C8orf34: variants seen among roughly 807,000 people sequenced by gnomAD.
C8orf34 encodes the protein uncharacterized protein C8orf34.
Under a neutral mutation model 68.3 loss-of-function variants are expected in C8orf34, and 65 were observed. That is an observed-to-expected ratio of 0.95 (90% CI 0.78 to 1.17). C8orf34 has a LOEUF of 1.17. Ranked by LOEUF, C8orf34 falls within the 50% of genes most tolerant of loss-of-function variation. The pLI, the probability that C8orf34 is intolerant of heterozygous loss-of-function variation, is 0.00. For missense variants in C8orf34, 664 were observed against 655.4 expected, an observed-to-expected ratio of 1.01 and a Z score of -0.14; for synonymous variants, 244 against 241.2, an observed-to-expected ratio of 1.01 and a Z score of -0.11.
intron 10 of C8orf34, among the ~76,000 whole-genome samples, chr8:68,757,399 G>T (rs1011402908): frequency 5.3e-5 from 8 of 152,132 alleles, no homozygotes; most frequent in Non-Finnish European, 1.0e-4. Flanking sequence ...GGAGGCTGAG[G>T]CGGGCGGATC....
chr8:68,345,824 A>T (rs929376610), intron 1 of C8orf34, among the ~76,000 whole-genome samples: 88 of 152,096 alleles, frequency 5.8e-4, no homozygotes, highest in African/African-American at 2.0e-3. Context: ...TCATCAAGTA[A>T]ATTTATACAT....
At chr8:68,367,912 G>GAAAAAAAAAAAAAAAAAAAAAAAACAA (rs1807366451) in intron 1 of C8orf34, among the ~76,000 whole-genome samples, 2 of 79,116 alleles carry the variant, frequency 2.5e-5, no homozygotes, top group Admixed American at 3.3e-4. Flanking sequence ...AAAAAGAAAA[G>GAAAAAAAAAAAAAAAAAAAAAAAACAA]AAAAAAAAAA....
At position 68,368,495 on chromosome 8, in the gene C8orf34, C is replaced by T. The variant is rs558919521; in HGVS notation, c.327+37156C>T. On this transcript the variant is annotated intron_variant, in intron 1 of 13. Transcript: ENST00000518698. ...TTATTTATGTTCCAGTCTTACTTTG[C>T]TAGTTAAGACCTTTAATATTATGCT... is the stretch of plus-strand genomic sequence containing the variant. Among the ~76,000 whole-genome samples, 11 of 152,142 alleles carry T rather than the reference C, an allele frequency of 7.2e-5. No individual in the cohort carries two copies. In the East Asian group the frequency reaches 1.2e-3, roughly 16 times the overall value.
chr8:68,771,014 T>A (rs1341905528), intron 10 of C8orf34, among the ~76,000 whole-genome samples: 6 of 152,320 alleles, frequency 3.9e-5, no homozygotes, highest in Non-Finnish European at 8.8e-5. Flanking sequence ...AGAAATGTGG[T>A]CTGCATTGAT....
At chr8:68,485,077 A>G (rs990738685) in intron 4 of C8orf34, among the ~76,000 whole-genome samples, 8 of 152,194 alleles carry the variant, frequency 5.3e-5, no homozygotes, top group African/African-American at 1.9e-4. Flanking sequence ...ACTGAAATAC[A>G]TCTTCAAAGC....
intron 10 of C8orf34, among the ~76,000 whole-genome samples, chr8:68,772,197 A>T (rs1823359818): frequency 6.6e-6 from 1 of 152,226 alleles, no homozygotes; most frequent in Non-Finnish European, 1.5e-5. Context: ...TTTCTCATGG[A>T]ATTTTTTAAA....
At chr8:68,577,210 G>A (rs766382636) in intron 7 of C8orf34, among the ~76,000 whole-genome samples, 26 of 151,914 alleles carry the variant, frequency 1.7e-4, no homozygotes, top group Non-Finnish European at 3.7e-4. Context: ...ACAGACTCTC[G>A]AGCCCCACCC....
At chr8:68,426,695 C>A (rs1235301520) in intron 1 of C8orf34, among the ~76,000 whole-genome samples, 1 of 151,424 alleles carries the variant, frequency 6.6e-6, no homozygotes, top group Non-Finnish European at 1.5e-5. Flanking sequence ...TGGTGAAACC[C>A]TATCTCTACT....
chr8:68,463,248 T>A (rs1811934672), intron 3 of C8orf34, among the ~76,000 whole-genome samples: 2 of 152,126 alleles, frequency 1.3e-5, no homozygotes, highest in South Asian at 2.1e-4. Flanking sequence ...CAGGAAGAAG[T>A]TGAATCTCTG....
At chr8:68,550,043 C>T (rs1816013064) in intron 7 of C8orf34, among the ~76,000 whole-genome samples, 2 of 151,720 alleles carry the variant, frequency 1.3e-5, no homozygotes, top group Non-Finnish European at 3.0e-5. Context: ...ATCACTTTGG[C>T]AAACTCTTTT....
In C8orf34 at chr8:68,454,814, C is replaced by A. The variant is rs1811482128; in HGVS notation, c.607+8354C>A. ...TTGGGTTTATTACGCTCTTCTTTTT[C>A]TACTTCCTTAAGGTGTAAAGTTAGA... On this transcript the variant is annotated intron_variant, in intron 3 of 13. Transcript: ENST00000518698. 3.9e-5 allele frequency among the ~76,000 whole-genome samples: 6 copies of A among 151,918 alleles called. No homozygotes were observed. The South Asian group carries it at 1.2e-3, about 32-fold the overall frequency.
intron 1 of C8orf34, among the ~76,000 whole-genome samples, chr8:68,417,085 T>C (rs527456438): frequency 2.4e-4 from 37 of 152,228 alleles, no homozygotes; most frequent in African/African-American, 8.4e-4. Flanking sequence ...TTAAAACTAT[T>C]GTGTAGAGTT....
intron 3 of C8orf34, among the ~76,000 whole-genome samples, chr8:68,467,090 AACATAAGGTTCTCTTCCTTTTT>A (rs1299299786): frequency 1.3e-5 from 2 of 151,878 alleles, no homozygotes; most frequent in Non-Finnish European, 2.9e-5. Context: ...TACACAATCA[AACATAAGGTTCTCTTCCTTTTT>A]AAATTTGAGG....
intron 7 of C8orf34, among the ~76,000 whole-genome samples, chr8:68,591,233 T>C (rs1817380395): frequency 6.6e-6 from 1 of 152,136 alleles, no homozygotes. Flanking sequence ...ATAATGTTAT[T>C]GATAGCTTCT....
chr8:68,785,621 A>G (rs576790750), intron 11 of C8orf34, among the ~76,000 whole-genome samples: 3 of 152,276 alleles, frequency 2.0e-5, no homozygotes, highest in East Asian at 1.9e-4. Flanking sequence ...ATACATCTGT[A>G]ACACATTTAT....
chr8:68,355,687 G>A (rs1055248797), intron 1 of C8orf34, among the ~76,000 whole-genome samples: 2 of 151,984 alleles, frequency 1.3e-5, no homozygotes, highest in African/African-American at 4.8e-5. Flanking sequence ...TCTTGGTGAT[G>A]GTGTAAAAGA....
chr8:68,780,262 G>A (rs1823637590), intron 11 of C8orf34, among the ~76,000 whole-genome samples: 1 of 152,038 alleles, frequency 6.6e-6, no homozygotes, highest in Non-Finnish European at 1.5e-5. Flanking sequence ...GTAAAATCAG[G>A]CATGCTCGAA....
chr8:68,642,914 A>T (rs1260057640), intron 8 of C8orf34, among the ~76,000 whole-genome samples: 1 of 152,198 alleles, frequency 6.6e-6, no homozygotes, highest in Non-Finnish European at 1.5e-5. Context: ...AGATCCCTTC[A>T]TGCATGGCTC....
At chr8:68,658,762 A>T (rs2130802283) in intron 8 of C8orf34, among the ~76,000 whole-genome samples, 1 of 152,078 alleles carries the variant, frequency 6.6e-6, no homozygotes, top group South Asian at 2.1e-4. Flanking sequence ...TTATCCCTTT[A>T]TGTCCAATTT....
Sources: gnomAD v4.1 joint callset for allele counts (sites outside exome capture counted in the v4.1 genomes callset) on GRCh38, gnomAD v4.1.1 for gene constraint, MANE v1.5 for transcripts, NCBI Gene and HGNC (gene_info 2026-07-23, HGNC 2026-07-21) for gene names.